The following VDAC1 variants were observed in gnomAD, a reference collection of about 807,000 sequenced individuals.
VDAC1 encodes the protein non-selective voltage-gated ion channel VDAC1.
VDAC1 carries 10 observed loss-of-function variants against 34.7 expected under a neutral mutation model. That is an observed-to-expected ratio of 0.29 (90% CI 0.18 to 0.49). VDAC1 has a LOEUF of 0.49. Among genes scored for constraint, VDAC1 ranks in the 20% least tolerant of loss-of-function variants. The probability of loss-of-function intolerance (pLI) is 0.99; values close to 1 mark genes in which losing one functional copy is unlikely to be tolerated. For missense variants in VDAC1, 230 were observed against 347.9 expected, an observed-to-expected ratio of 0.66 and a Z score of 2.69; for synonymous variants, 130 against 136.0, an observed-to-expected ratio of 0.96 and a Z score of 0.30.
the VDAC1 span, among the ~76,000 whole-genome samples, chr5:134,095,413 A>G: frequency 6.6e-6 from 1 of 151,840 alleles, no homozygotes; most frequent in East Asian, 1.9e-4. Context: ...AGCCCAGGAG[A>G]TTGAGCCTGC....
At chr5:134,046,034 AT>A in the VDAC1 span, among the ~76,000 whole-genome samples, 1 of 129,488 alleles carries the variant, frequency 7.7e-6, no homozygotes, top group African/African-American at 2.9e-5. Context: ...TTATTTATTT[AT>A]TTATTTTTGA....
chr5:134,085,597 T>C, the VDAC1 span, among the ~76,000 whole-genome samples: 1 of 148,716 alleles, frequency 6.7e-6, no homozygotes, highest in African/African-American at 2.5e-5. Flanking sequence ...TGGTCAACCA[T>C]CCCCACAGGG....
the VDAC1 span, among the ~76,000 whole-genome samples, chr5:134,032,124 CAAAA>C: frequency 1.1e-4 from 4 of 36,126 alleles, no homozygotes; most frequent in South Asian, 1.9e-3. Flanking sequence ...CTCTGCCTCA[CAAAA>C]AAAAAAAAAA....
At chr5:134,042,495 C>CTTT in the VDAC1 span, among the ~76,000 whole-genome samples, 1 of 150,250 alleles carries the variant, frequency 6.7e-6, no homozygotes, top group African/African-American at 2.4e-5. Context: ...TTTTGTTTTT[C>CTTT]TTTTTTTTTT....
At chr5:134,030,903 G>A in the VDAC1 span, among the ~76,000 whole-genome samples, 5 of 152,116 alleles carry the variant, frequency 3.3e-5, no homozygotes, top group Non-Finnish European at 5.9e-5. Flanking sequence ...GTGAGCCACT[G>A]CTCCCAGCCT....
the VDAC1 span, among the ~76,000 whole-genome samples, chr5:134,014,762 A>T: frequency 6.6e-6 from 1 of 152,192 alleles, no homozygotes; most frequent in Non-Finnish European, 1.5e-5. Context: ...GCTGCTCAGG[A>T]GGCTGAGGCA....
At chr5:134,079,704 G>A in the VDAC1 span, among the ~76,000 whole-genome samples, 1 of 152,178 alleles carries the variant, frequency 6.6e-6, no homozygotes, top group Non-Finnish European at 1.5e-5. Flanking sequence ...CATTTCCAAG[G>A]CCTGGCAGCA....
chr5:134,023,170 T>G, the VDAC1 span, among the ~76,000 whole-genome samples: 1 of 152,116 alleles, frequency 6.6e-6, no homozygotes, highest in Admixed American at 6.6e-5. Flanking sequence ...TTCATGTCCT[T>G]TGCAGGGACA....
At chr5:133,992,506 G>A (rs1238589627) in intron 2 of VDAC1, 151 bp from the exon 3 acceptor site, 1 of 519,494 alleles carries the variant, frequency 1.9e-6, no homozygotes, top group Admixed American at 4.1e-5. Flanking sequence ...GCTGCTCGTG[G>A]GGGGAGCTCT....
At chr5:134,109,793 G>T in the VDAC1 span, among the ~76,000 whole-genome samples, 8 of 139,934 alleles carry the variant, frequency 5.7e-5, no homozygotes, top group East Asian at 1.2e-3. Flanking sequence ...AAAAAAAAAA[G>T]AACTTAGAGG....
the VDAC1 span, among the ~76,000 whole-genome samples, chr5:134,053,962 G>A: frequency 6.6e-6 from 1 of 152,164 alleles, no homozygotes; most frequent in Non-Finnish European, 1.5e-5. Flanking sequence ...GCCAGAGGAG[G>A]GAACAATCAG....
At chr5:134,092,552 T>C in the VDAC1 span, among the ~76,000 whole-genome samples, 1 of 151,974 alleles carries the variant, frequency 6.6e-6, no homozygotes, top group Non-Finnish European at 1.5e-5. Flanking sequence ...GGTGGGTGCC[T>C]GTAATCCCAG....
At chr5:134,038,418 G>A in the VDAC1 span, among the ~76,000 whole-genome samples, 1 of 152,176 alleles carries the variant, frequency 6.6e-6, no homozygotes, top group East Asian at 1.9e-4. Flanking sequence ...AAGCATGGAG[G>A]GTAAGAGCGG....
chr5:133,979,424 C>CTTTTTTTTTGTT (rs1752602872), intron 6 of VDAC1, among the ~76,000 whole-genome samples: 1 of 80,988 alleles, frequency 1.2e-5, no homozygotes, highest in Non-Finnish European at 2.1e-5. Flanking sequence ...ATTTTCTTTG[C>CTTTTTTTTTGTT]TTTTTTTTTT....
At chr5:134,082,285 T>C in the VDAC1 span, among the ~76,000 whole-genome samples, 2 of 152,260 alleles carry the variant, frequency 1.3e-5, no homozygotes, top group African/African-American at 2.4e-5. Context: ...GATTCCTTTA[T>C]GTTTTCTAGA....
chr5:134,032,218 T>C, the VDAC1 span, among the ~76,000 whole-genome samples: 4 of 150,416 alleles, frequency 2.7e-5, no homozygotes, highest in South Asian at 2.1e-4. Context: ...CTCTAGAAAC[T>C]GGAAAAGGCA....
chr5:134,095,945 C>T, the VDAC1 span, among the ~76,000 whole-genome samples: 1 of 152,216 alleles, frequency 6.6e-6, no homozygotes, highest in African/African-American at 2.4e-5. Context: ...GGCTGGGAGA[C>T]AAGCCCAGAG....
chr5:133,992,955 T>G lies in VDAC1; in HGVS notation c.58A>C (p.Lys20Gln). The G allele has an allele frequency of 6.2e-7, 1 of 1,613,706 alleles. No individual in the cohort carries two copies. The highest frequency in any genetic ancestry group is 8.5e-7 in the Non-Finnish European group (1 of 1,179,732). The change falls in exon 2 of 9, where the codon AAG becomes CAG. Residue 20 changes from lysine to glutamine, a missense_variant. Physicochemically the swap from Lys to Gln is moderately conservative, Grantham distance 53. Transcript: ENST00000265333. Reference sequence around the variant, plus strand: ...TCTCTGCAACACTCACCATAGCCCTTGGTGAAGACATCCCTGGCAGATTTG... The same window carrying G: ...TCTCTGCAACACTCACCATAGCCCTGGGTGAAGACATCCCTGGCAGATTTG... ...LGKSARDVFT[K>Q]GYGFGLIKLD...
At chr5:134,045,830 G>A in the VDAC1 span, among the ~76,000 whole-genome samples, 31 of 150,922 alleles carry the variant, frequency 2.1e-4, no homozygotes, top group Non-Finnish European at 3.7e-4. Flanking sequence ...GATTACAGAG[G>A]CACACCACCA....
Sources: gnomAD v4.1 joint callset for allele counts (sites outside exome capture counted in the v4.1 genomes callset) on GRCh38, gnomAD v4.1.1 for gene constraint, MANE v1.5 for transcripts, NCBI Gene and HGNC (gene_info 2026-07-23, HGNC 2026-07-21) for gene names.